Variants in ZNF385D observed in about 807,000 individuals in gnomAD.
The protein encoded by ZNF385D is zinc finger protein 659.
ZNF385D carries 15 observed loss-of-function variants against 35.8 expected under a neutral mutation model. The ratio of observed to expected loss-of-function variants is 0.42; its 90% CI spans 0.28 to 0.64. The LOEUF is 0.64. Among genes scored for constraint, ZNF385D ranks in the 30% least tolerant of loss-of-function variants. ZNF385D has a pLI of 0.23. For missense variants in ZNF385D, 474 were observed against 494.6 expected, an observed-to-expected ratio of 0.96 and a Z score of 0.39; for synonymous variants, 212 against 186.8, an observed-to-expected ratio of 1.13 and a Z score of -1.10.
intron 2 of ZNF385D, among the ~76,000 whole-genome samples, chr3:22,238,249 C>T (rs1043476986): frequency 6.6e-6 from 1 of 151,064 alleles, no homozygotes; most frequent in African/African-American, 2.4e-5. Context: ...AGTCTTCCAA[C>T]TTTGCTTTTT....
At position 22,198,703 on chromosome 3, in the gene ZNF385D, A is replaced by C. The variant is rs1696585233; in HGVS notation, c.107-29668T>G. ...TTGTAATACTATTATAAAAATGTGTACATGGCAGGAAGACATGGTAAGTGA... is the reference window on the plus strand; with the variant it reads ...TTGTAATACTATTATAAAAATGTGTCCATGGCAGGAAGACATGGTAAGTGA... On this transcript the variant is annotated intron_variant, in intron 2 of 5. Transcript: ENST00000494108. Among the ~76,000 whole-genome samples the C allele has an allele frequency of 2.0e-5, 3 of 152,258 alleles. No individual in the cohort carries two copies. In the South Asian group the frequency reaches 6.2e-4, roughly 32 times the overall value.
chr3:22,263,662 T>C (rs1700747751), intron 2 of ZNF385D, among the ~76,000 whole-genome samples: 1 of 152,032 alleles, frequency 6.6e-6, no homozygotes, highest in Non-Finnish European at 1.5e-5. Flanking sequence ...AATAAATATT[T>C]GTTAAATGAA....
In ZNF385D at chr3:22,005,164, C is replaced by G. The variant is rs1696124432; in HGVS notation, c.325+163653G>C. Among the ~76,000 whole-genome samples, 2 of 150,724 alleles carry G rather than the reference C, an allele frequency of 1.3e-5. 1 individual carries two copies. The highest frequency in any genetic ancestry group is 4.2e-4 in the South Asian group (2 of 4,772). Reference sequence around the variant, plus strand: ...TTCTCAAAAGAAGACATACAAATGGCCCACAGGTACATGAAAAAATGTTCA... The same window carrying G: ...TTCTCAAAAGAAGACATACAAATGGGCCACAGGTACATGAAAAAATGTTCA... On this transcript the variant is annotated intron_variant, in intron 3 of 5. Transcript: ENST00000494108.
chr3:22,206,856 A>G (rs997239477), intron 2 of ZNF385D, among the ~76,000 whole-genome samples: 29 of 151,942 alleles, frequency 1.9e-4, no homozygotes, highest in Non-Finnish European at 2.5e-4. Flanking sequence ...AATGCACCTT[A>G]AAGTACAAGA....
intron 2 of ZNF385D, among the ~76,000 whole-genome samples, chr3:22,293,294 T>TA (rs1485758441): frequency 6.6e-6 from 1 of 152,140 alleles, no homozygotes; most frequent in African/African-American, 2.4e-5. Context: ...TACCTTTTAT[T>TA]AAACTCGATG....
chr3:21,725,727 T>C (rs993647928), intron 1 of ZNF385D, among the ~76,000 whole-genome samples: 3 of 152,006 alleles, frequency 2.0e-5, no homozygotes, highest in South Asian at 2.1e-4. Context: ...ACCAGAAAAA[T>C]TGACAGCTGA....
intron 2 of ZNF385D, among the ~76,000 whole-genome samples, chr3:22,226,925 C>A (rs1491879): frequency 0.067 from 10,174 of 152,134 alleles, 878 homozygotes; most frequent in African/African-American, 0.2. Context: ...TGAGTTCATT[C>A]TTCCTTGACA....
At chr3:22,041,836 G>A (rs948583605) in intron 3 of ZNF385D, among the ~76,000 whole-genome samples, 2 of 151,968 alleles carry the variant, frequency 1.3e-5, no homozygotes, top group Non-Finnish European at 2.9e-5. Context: ...AAAACAGGAA[G>A]GAATGTTCAG....
At chr3:21,530,888 C>T (rs996564745) in intron 3 of ZNF385D, among the ~76,000 whole-genome samples, 7 of 152,112 alleles carry the variant, frequency 4.6e-5, no homozygotes, top group Non-Finnish European at 7.4e-5. Flanking sequence ...TATTTATGCA[C>T]TTGTTCTTAC....
At chr3:21,435,551 C>T (rs1701508722) in intron 5 of ZNF385D, among the ~76,000 whole-genome samples, 1 of 152,068 alleles carries the variant, frequency 6.6e-6, no homozygotes, top group South Asian at 2.1e-4. Context: ...AGGTGTAAAA[C>T]ACCACAGCCC....
chr3:21,680,890 C>T (rs889416383), intron 1 of ZNF385D, among the ~76,000 whole-genome samples: 4 of 152,178 alleles, frequency 2.6e-5, no homozygotes, highest in African/African-American at 9.6e-5. Flanking sequence ...CCTTTCTTCT[C>T]TACCCTTGTA....
chr3:22,190,882 C>T (rs1298532825), intron 2 of ZNF385D, among the ~76,000 whole-genome samples: 1 of 151,878 alleles, frequency 6.6e-6, no homozygotes, highest in African/African-American at 2.4e-5. Flanking sequence ...TACCACTTTA[C>T]AGTAACTATA....
intron 2 of ZNF385D, among the ~76,000 whole-genome samples, chr3:21,571,404 A>T (rs1260681309): frequency 6.6e-6 from 1 of 152,160 alleles, no homozygotes; most frequent in Non-Finnish European, 1.5e-5. Flanking sequence ...TAAGCTATTA[A>T]AAACAATTCT....
intron 3 of ZNF385D, among the ~76,000 whole-genome samples, chr3:22,018,862 T>C (rs894797297): frequency 6.6e-6 from 1 of 151,826 alleles, no homozygotes; most frequent in Non-Finnish European, 1.5e-5. Flanking sequence ...TAATTGCTAA[T>C]TTTTGAGTTT....
At chr3:22,216,392 C>A (rs11921494) in intron 2 of ZNF385D, among the ~76,000 whole-genome samples, 1 of 151,634 alleles carries the variant, frequency 6.6e-6, no homozygotes, top group African/African-American at 2.4e-5. Context: ...ACTGAAAGCC[C>A]CTTTCATTTT....
chr3:21,990,026 G>A (rs1010357142), intron 3 of ZNF385D, among the ~76,000 whole-genome samples: 1 of 152,104 alleles, frequency 6.6e-6, no homozygotes, highest in Non-Finnish European at 1.5e-5. Context: ...ATATTAAATG[G>A]GAAATAATTT....
chr3:21,508,148 T>C (rs1028001787), intron 4 of ZNF385D, among the ~76,000 whole-genome samples: 2 of 152,174 alleles, frequency 1.3e-5, no homozygotes, highest in African/African-American at 4.8e-5. Flanking sequence ...CTATCTCTTC[T>C]GCCCTTTTGA....
Position 21,575,428 on chromosome 3 carries a change from CA to C in ZNF385D, c.166-10745del, listed in dbSNP as rs2063468772. Reference sequence around the variant, plus strand: ...TTTCTATTAATCTCCTAAATCAGGTCAAACCCAAATTTGATGATTTGGTCAA... The same window carrying C: ...TTTCTATTAATCTCCTAAATCAGGTCAACCCAAATTTGATGATTTGGTCAA... On this transcript the variant is annotated intron_variant, in intron 2 of 7. Transcript: ENST00000281523. 4.6e-5 allele frequency among the ~76,000 whole-genome samples: 7 copies of C among 152,264 alleles called. No homozygotes were observed. The South Asian group carries it at 1.4e-3, about 32-fold the overall frequency.
rs899544147 is a variant in ZNF385D, at chr3:21,719,254, C to T, written c.22+31641G>A. On this transcript the variant is annotated intron_variant, in intron 1 of 7. Coordinates refer to ENST00000281523, the MANE Select transcript of ZNF385D (RefSeq NM_024697.3). ...ATCAGCATCAGATCCCAGGTGGTCA[C>T]GTTATGTACTTGTTACTAAATTTTA... Among the ~76,000 whole-genome samples, 7 of 152,288 alleles carry T rather than the reference C, an allele frequency of 4.6e-5. No individual in the cohort carries two copies. In the South Asian group the frequency reaches 8.3e-4, roughly 18 times the overall value.
Sources: gnomAD v4.1 joint callset for allele counts (sites outside exome capture counted in the v4.1 genomes callset) on GRCh38, gnomAD v4.1.1 for gene constraint, MANE v1.5 for transcripts, NCBI Gene and HGNC (gene_info 2026-07-23, HGNC 2026-07-21) for gene names.